Variants in MYO7B observed in about 807,000 individuals in gnomAD.
MYO7B encodes the protein unconventional myosin-VIIb.
MYO7B carries 212 observed loss-of-function variants against 259.7 expected under a neutral mutation model. The observed-to-expected ratio is 0.82, with a 90% confidence interval of 0.73 to 0.91. MYO7B has a LOEUF of 0.91. Among genes scored for constraint, MYO7B ranks in the 40% least tolerant of loss-of-function variants. The pLI is 0.00. For missense variants in MYO7B, 2,732 were observed against 2,813.5 expected (o/e 0.97, Z 0.66); for synonymous variants, 1,197 against 1,166.4 (o/e 1.03, Z -0.54).
At chr2:127,542,215 C>A (rs1693033427) in intron 1 of MYO7B, among the ~76,000 whole-genome samples, 1 of 152,222 alleles carries the variant, frequency 6.6e-6, no homozygotes, top group Non-Finnish European at 1.5e-5. Flanking sequence ...GTGTTAGACT[C>A]CCTTCCAGAA....
intron 6 of MYO7B, among the ~76,000 whole-genome samples, chr2:127,571,815 A>G (rs1678644383): frequency 1.3e-5 from 2 of 152,132 alleles, no homozygotes; most frequent in African/African-American, 2.4e-5. Context: ...TGTGTTCTGG[A>G]TACAAGTCCT....
At chr2:127,633,629 G>T (rs904675244) in intron 40 of MYO7B, among the ~76,000 whole-genome samples, 17 of 152,330 alleles carry the variant, frequency 1.1e-4, no homozygotes, top group Middle Eastern at 6.8e-3. Context: ...CAGCAAGGGT[G>T]AGTCCCAGGA....
At chr2:127,541,228 T>C (rs1001659204) in intron 1 of MYO7B, among the ~76,000 whole-genome samples, 1 of 151,882 alleles carries the variant, frequency 6.6e-6, no homozygotes, top group Non-Finnish European at 1.5e-5. Flanking sequence ...TCTCCAGGGC[T>C]GTCTCCACAG....
rs1301554849 is a variant in MYO7B at position 127,620,330 on chromosome 2, T to C, written c.3399-10T>C. ...CCCAGCCTACTCTCCTAATGGTCTGTGTCTTTCAGGGATGAGATTTACTGC... is the reference window on the plus strand; with the variant it reads ...CCCAGCCTACTCTCCTAATGGTCTGCGTCTTTCAGGGATGAGATTTACTGC... On this transcript the variant is annotated splice_polypyrimidine_tract_variant and intron_variant, in intron 26 of 47. Transcript: ENST00000409816. 3.7e-6 allele frequency: 6 copies of C among 1,610,094 alleles called. No individual in the cohort carries two copies. Among genetic ancestry groups the C allele is most frequent in the Non-Finnish European group, 5.1e-6 (6 of 1,177,416 alleles).
Position 127,559,622 on chromosome 2 carries a change from A to G in MYO7B, c.-23-78A>G. Reference sequence around the variant, plus strand: ...GGCACTTAGGGAAGTGTTGGTGAACAAGCCCAGCTCCTGTGCTCCAGGGGC... The same window carrying G: ...GGCACTTAGGGAAGTGTTGGTGAACGAGCCCAGCTCCTGTGCTCCAGGGGC... On this transcript the variant is annotated intron_variant, in intron 1 of 47. Coordinates refer to ENST00000409816, the MANE Select transcript of MYO7B (RefSeq NM_001393586.1). The surrounding 1 kb of genome is among the most constrained non-coding windows in gnomAD (Gnocchi z 4.1). 1 of 1,390,734 alleles carries G rather than the reference A, an allele frequency of 7.2e-7. No individual in the cohort carries two copies. Among genetic ancestry groups the G allele is most frequent in the Non-Finnish European group, 1.0e-6 (1 of 979,312 alleles). 86.1% of individuals were successfully genotyped at this position (1,390,734 alleles called of 1,614,324 possible). A position where few individuals can be genotyped will look rare whatever the true frequency, so the allele number is the denominator to read the frequency against.
At chr2:127,580,631 A>G (rs2104930500) in intron 9 of MYO7B, 115 bp from the exon 10 acceptor site, 1 of 1,008,138 alleles carries the variant, frequency 9.9e-7, no homozygotes, top group Non-Finnish European at 1.5e-6. Context: ...GGCTTACGCC[A>G]GGGCAGCTGT....
Position 127,634,671 on chromosome 2 carries a change from C to T in MYO7B, c.5701C>T (p.Pro1901Ser). The T allele has an allele frequency of 1.2e-6, 2 of 1,610,652 alleles. No homozygotes were observed. Among genetic ancestry groups the T allele is most frequent in the Non-Finnish European group, 1.7e-6 (2 of 1,179,112 alleles). ...EVSDWVKKNK[P>S]QKEGAPVTLP... ...GTCTGACTGGGTGAAGAAGAACAAGCCCCAGAAAGAAGGTGAGGAGGCCTC... is the reference window on the plus strand; with the variant it reads ...GTCTGACTGGGTGAAGAAGAACAAGTCCCAGAAAGAAGGTGAGGAGGCCTC... The change falls in exon 42 of 48, where the codon CCC becomes TCC. Residue 1901 changes from proline to serine, a missense_variant. Physicochemically the swap from Pro to Ser is moderately conservative, Grantham distance 74. Around this residue, in one of 3 missense-constraint regions of MYO7B, gnomAD observed 821 missense variants for 769.3 expected, o/e 1.07. Coordinates refer to ENST00000409816, the MANE Select transcript of MYO7B (RefSeq NM_001393586.1).
intron 41 of MYO7B, 37 bp from the exon 42 acceptor site, chr2:127,634,559 A>C: frequency 6.4e-7 from 1 of 1,574,756 alleles, no homozygotes; most frequent in Non-Finnish European, 8.7e-7. Context: ...CAGTCCCCGG[A>C]AGCCACCCAA....
Position 127,609,760 on chromosome 2 carries a change from C to A in MYO7B, c.3024+45C>A. On this transcript the variant is annotated intron_variant, in intron 23 of 47. Transcript: ENST00000409816. This position sits in a 1 kb window ranked among gnomAD's most constrained non-coding sequence, Gnocchi z 6.9. The stretch of plus-strand genomic sequence containing the variant: ...TCTAGTGGATCAGGCCAGCCCCGAG[C>A]CTGGGGTGTGAGCTATGGCTCGGGG... 6.2e-7 allele frequency: 1 copy of A among 1,612,426 alleles called. No homozygotes were observed. The highest frequency in any genetic ancestry group is 1.3e-5 in the African/African-American group (1 of 74,994).
In MYO7B at chr2:127,626,896, CTCTTTT is replaced by C. The variant is rs368453122; in HGVS notation, c.4216-78_4216-73del. 70 of 1,318,096 alleles carry C rather than the reference CTCTTTT, an allele frequency of 5.3e-5. No homozygotes were observed. The African/African-American group carries it at 9.1e-4, about 17-fold the overall frequency. The allele number at this position is 1,318,096 out of a possible 1,614,324, so 81.7% of individuals were successfully genotyped here. On this transcript the variant is annotated intron_variant, in intron 31 of 47. Coordinates refer to ENST00000409816, the MANE Select transcript of MYO7B (RefSeq NM_001393586.1). ...GAGCCTTCTCAGAAGGATCCATCAA[CTCTTTT>C]ACCCTGAGCACTAGGTGAGGGATTC...
At position 127,584,306 on chromosome 2, in the gene MYO7B, C is replaced by T. The variant is rs2104943563; in HGVS notation, c.1528C>T (p.Leu510=). 1 of 1,613,990 alleles carries T rather than the reference C, an allele frequency of 6.2e-7. No homozygotes were observed. Among genetic ancestry groups the T allele is most frequent in the Non-Finnish European group, 8.5e-7 (1 of 1,179,888 alleles). The change falls in exon 13 of 48, where the codon CTG becomes TTG. Residue 510 remains leucine, a synonymous_variant. Coordinates refer to ENST00000409816, the MANE Select transcript of MYO7B (RefSeq NM_001393586.1). This position sits in a 1 kb window ranked among gnomAD's most constrained non-coding sequence, Gnocchi z 5.8. The stretch of plus-strand genomic sequence containing the variant: ...CAAGCCCATGAGCATCATCTCCCTC[C>T]TGGACGAAGAAAGCCGCTTCCCGCA... ...ALKPMSIISL[L]DEESRFPQGT...
chr2:127,637,183 T>G (rs2255039), intron 47 of MYO7B, 133 bp from the exon 48 acceptor site: 2 of 894,014 alleles, frequency 2.2e-6, no homozygotes, highest in African/African-American at 3.3e-5. Context: ...ACGGCCCCAA[T>G]GGCAGGAGCC....
At position 127,597,866 on chromosome 2, in the gene MYO7B, G is replaced by A. The variant is rs574033978; in HGVS notation, c.2339+1310G>A. Among the ~76,000 whole-genome samples the A allele has an allele frequency of 5.9e-5, 9 of 152,134 alleles. No individual in the cohort carries two copies. In the South Asian group the frequency reaches 1.9e-3, roughly 32 times the overall value. On this transcript the variant is annotated intron_variant, in intron 19 of 47. Coordinates refer to ENST00000409816, the MANE Select transcript of MYO7B (RefSeq NM_001393586.1). This position sits in a 1 kb window ranked among gnomAD's most constrained non-coding sequence, Gnocchi z 4.8. ...TTACCCAAACTGGTCTCAAACTCCT[G>A]GCCTCAAGTGATCCGCCCGCCTCAG...
chr2:127,572,709 C>G (rs1678699376), intron 6 of MYO7B, among the ~76,000 whole-genome samples: 1 of 152,102 alleles, frequency 6.6e-6, no homozygotes, highest in African/African-American at 2.4e-5. Context: ...TGTCTAAAAT[C>G]AACTGACCAT....
chr2:127,591,862 G>A (rs1231832676), intron 16 of MYO7B, among the ~76,000 whole-genome samples: 6 of 152,180 alleles, frequency 3.9e-5, no homozygotes, highest in African/African-American at 7.2e-5. Context: ...TCGCCTCAAA[G>A]CAAAAGACGG....
chr2:127,629,190 A>C (rs570435159), intron 34 of MYO7B, among the ~76,000 whole-genome samples: 2 of 152,170 alleles, frequency 1.3e-5, no homozygotes, highest in Non-Finnish European at 2.9e-5. Flanking sequence ...GGGCAGTGAG[A>C]AATGTCAGCC....
At chr2:127,567,037 G>A (rs1388754215) in intron 5 of MYO7B, among the ~76,000 whole-genome samples, 1 of 152,222 alleles carries the variant, frequency 6.6e-6, no homozygotes, top group African/African-American at 2.4e-5. Context: ...CGTGTCACCA[G>A]GGACTGGACT....
chr2:127,606,294 T>G (rs991504429), intron 20 of MYO7B, among the ~76,000 whole-genome samples: 1 of 152,254 alleles, frequency 6.6e-6, no homozygotes, highest in African/African-American at 2.4e-5. Context: ...TCCTAATTTT[T>G]TCTCTTAACC....
At chr2:127,596,218 G>A (rs1025884079) in intron 18 of MYO7B, among the ~76,000 whole-genome samples, 2 of 152,192 alleles carry the variant, frequency 1.3e-5, no homozygotes, top group African/African-American at 4.8e-5. Context: ...TAGAAATAAA[G>A]GATGCCAGAT....
Sources: gnomAD v4.1 joint callset for allele counts (sites outside exome capture counted in the v4.1 genomes callset) on GRCh38, gnomAD v4.1.1 for gene constraint, gnomAD v4.1.1 regional missense constraint, Gnocchi (gnomAD v3.1) non-coding constraint, MANE v1.5 for transcripts, NCBI Gene and HGNC (gene_info 2026-07-23, HGNC 2026-07-21) for gene names.